GNB5: variants seen among roughly 807,000 people sequenced by gnomAD.
GNB5 encodes guanine nucleotide-binding protein subunit beta-5.
Under a neutral mutation model 55.3 loss-of-function variants are expected in GNB5, and 37 were observed. The ratio of observed to expected loss-of-function variants is 0.67; its 90% CI spans 0.51 to 0.88. The LOEUF is 0.88. Among genes scored for constraint, GNB5 ranks in the 40% least tolerant of loss-of-function variants. The probability of loss-of-function intolerance (pLI) is 0.00; values close to 1 mark genes in which losing one functional copy is unlikely to be tolerated. For synonymous variants in GNB5, 219 were observed against 198.5 expected (o/e 1.10, Z -0.87); for missense variants, 476 against 515.3 (o/e 0.92, Z 0.74).
At chr15:52,164,300 C>A (rs2034404048) in intron 3 of GNB5, among the ~76,000 whole-genome samples, 1 of 89,612 alleles carries the variant, frequency 1.1e-5, no homozygotes, top group Admixed American at 1.6e-4. Flanking sequence ...AACAGCAAGA[C>A]TCTGTCTTAA....
At chr15:52,148,134 C>A (rs1387161541) in intron 5 of GNB5, among the ~76,000 whole-genome samples, 1 of 151,932 alleles carries the variant, frequency 6.6e-6, no homozygotes, top group Non-Finnish European at 1.5e-5. Context: ...CCTATCAGGG[C>A]CCCTTTTCTT....
Position 52,118,389 on chromosome 15 carries a change from A to G in GNB5, c.*4368T>C, listed in dbSNP as rs938379617. ...TTTTTTTTGTATGGGTGATTTTTTT[A>G]TTTTCATCCTCTCAGGAATTTTCCA... On this transcript the variant is annotated 3_prime_UTR_variant, in exon 13 of 13. Transcript: ENST00000261837. The G allele has an allele frequency of 2.7e-5, 4 of 149,814 alleles. No individual in the cohort carries two copies. In the East Asian group the frequency reaches 7.9e-4, roughly 30 times the overall value. The allele number at this position is 149,814 out of a possible 1,614,324, so 9.3% of individuals were successfully genotyped here.
chr15:52,124,856 G>GT (rs1241705296), intron 11 of GNB5: 3 of 473,954 alleles, frequency 6.3e-6, no homozygotes, highest in African/African-American at 2.0e-5. Context: ...GCATCCCATG[G>GT]TAACAGCCAT....
chr15:52,171,048 CACGCTACTGGA>C (rs2141231931), intron 3 of GNB5, among the ~76,000 whole-genome samples: 1 of 142,458 alleles, frequency 7.0e-6, no homozygotes, highest in Admixed American at 7.4e-5. Context: ...GAGCCATGAT[CACGCTACTGGA>C]CTCCAGGTGA....
intron 4 of GNB5, among the ~76,000 whole-genome samples, chr15:52,152,826 G>A (rs1462778951): frequency 1.3e-5 from 2 of 151,092 alleles, no homozygotes; most frequent in Non-Finnish European, 2.9e-5. Flanking sequence ...ATAAAGACGA[G>A]GTCTCACCAT....
At position 52,148,680 on chromosome 15, in the gene GNB5, GTCT is replaced by G. The variant is rs561637920; in HGVS notation, c.418-1148_418-1146del. Among the ~76,000 whole-genome samples the G allele has an allele frequency of 9.8e-4, 149 of 152,346 alleles. 1 individual carries two copies. The highest frequency in any genetic ancestry group is 8.8e-3 in the Admixed American group (134 of 15,310). Reference sequence around the variant, plus strand: ...GCTTCCAATGTACATTCAAGTGCTGGTCTTCTTTTCTGTTATAATTACATGTGT... The same window carrying G: ...GCTTCCAATGTACATTCAAGTGCTGGTCTTTTCTGTTATAATTACATGTGT... On this transcript the variant is annotated intron_variant, in intron 5 of 12. Transcript: ENST00000261837.
chr15:52,147,896 T>C (rs2034010956), intron 5 of GNB5, among the ~76,000 whole-genome samples: 1 of 152,214 alleles, frequency 6.6e-6, no homozygotes, highest in Non-Finnish European at 1.5e-5. Flanking sequence ...AAAATCTTAA[T>C]GTTTAAATTT....
At chr15:52,142,505 TTAC>T (rs1194994049) in intron 6 of GNB5, among the ~76,000 whole-genome samples, 1 of 152,138 alleles carries the variant, frequency 6.6e-6, no homozygotes, top group African/African-American at 2.4e-5. Flanking sequence ...ATTATTATCA[TTAC>T]TACATTTGAT....
At chr15:52,175,619 G>C (rs184807920) in intron 3 of GNB5, among the ~76,000 whole-genome samples, 490 of 152,124 alleles carry the variant, frequency 3.2e-3, no homozygotes, top group Non-Finnish European at 5.3e-3. Context: ...CATGCCTGTA[G>C]TCTCAGCTAC....
At chr15:52,166,413 T>C (rs1193219538) in intron 3 of GNB5, among the ~76,000 whole-genome samples, 1 of 152,198 alleles carries the variant, frequency 6.6e-6, no homozygotes, top group African/African-American at 2.4e-5. Context: ...ATGCCATTAC[T>C]CTAAAATTGA....
intron 3 of GNB5, among the ~76,000 whole-genome samples, chr15:52,176,064 A>AAAAC (rs998253200): frequency 1.4e-5 from 2 of 145,882 alleles, no homozygotes; most frequent in East Asian, 2.0e-4. Flanking sequence ...AAAACAAAAC[A>AAAAC]AAACAAACAA....
At position 52,184,544 on chromosome 15, in the gene GNB5, C is replaced by CACTT; in HGVS notation, c.126+3_126+6dup. 1 of 1,611,722 alleles carries CACTT rather than the reference C, an allele frequency of 6.2e-7. No individual in the cohort carries two copies. The highest frequency in any genetic ancestry group is 8.5e-7 in the Non-Finnish European group (1 of 1,178,448). ...AGATAACTGAATTTTTTTTAAGTGG[C>CACTT]ACTTACAATTTCTGCACATGTTGAA... is the stretch of plus-strand genomic sequence containing the variant. On this transcript the variant is annotated splice_region_variant and intron_variant, in intron 2 of 12. Coordinates refer to ENST00000261837, the MANE Select transcript of GNB5 (RefSeq NM_016194.4).
chr15:52,166,863 A>G lies in GNB5; in HGVS notation c.239-12787T>C, dbSNP rs140881458. On this transcript the variant is annotated intron_variant, in intron 3 of 12. Transcript: ENST00000261837. The stretch of plus-strand genomic sequence containing the variant: ...GGAACTAAAGGAGATAGAGACATGA[A>G]AAACCCTTCAAAAAAATCAATGAAT... Among the ~76,000 whole-genome samples, 159 of 152,302 alleles carry G rather than the reference A, an allele frequency of 1.0e-3. 1 individual carries two copies. Among genetic ancestry groups the G allele is most frequent in the African/African-American group, 3.5e-3 (145 of 41,548 alleles).
At chr15:52,175,542 C>T (rs990913188) in intron 3 of GNB5, among the ~76,000 whole-genome samples, 10 of 151,166 alleles carry the variant, frequency 6.6e-5, no homozygotes, top group African/African-American at 2.4e-4. Flanking sequence ...AGTTCAAGAA[C>T]AGCCCGTCCA....
In GNB5 at chr15:52,121,547, A is replaced by T. The variant is rs2033267524; in HGVS notation, c.*1210T>A. The T allele has an allele frequency of 6.6e-6, 1 of 152,058 alleles. No individual in the cohort carries two copies. The allele number at this position is 152,058 out of a possible 1,614,324, so 9.4% of individuals were successfully genotyped here. On this transcript the variant is annotated 3_prime_UTR_variant, in exon 13 of 13. Transcript: ENST00000261837. ...CTATGTAAGAGGAGCAGACGTTATT[A>T]TTCATGACTATCAATCAATCTGCAT... is the stretch of plus-strand genomic sequence containing the variant.
intron 6 of GNB5, among the ~76,000 whole-genome samples, chr15:52,145,188 T>C (rs912208385): frequency 3.9e-4 from 59 of 152,218 alleles, no homozygotes; most frequent in African/African-American, 1.4e-3. Context: ...CTAATAGATG[T>C]GTTACACATG....
intron 2 of GNB5, among the ~76,000 whole-genome samples, chr15:52,182,189 C>T (rs1392283972): frequency 1.3e-5 from 2 of 152,172 alleles, no homozygotes; most frequent in Non-Finnish European, 2.9e-5. Flanking sequence ...CAGTATGCAT[C>T]TGTTATTATT....
chr15:52,134,073 C>T (rs2033642475), intron 8 of GNB5, among the ~76,000 whole-genome samples: 1 of 152,230 alleles, frequency 6.6e-6, no homozygotes, highest in Admixed American at 6.5e-5. Flanking sequence ...CGCAGGGTGG[C>T]TTAGGCAAGT....
In GNB5 at chr15:52,141,157, TG is replaced by T; in HGVS notation, c.609del (p.Phe203LeufsTer9). On this transcript the variant is annotated frameshift_variant, in exon 7 of 13. Coordinates refer to ENST00000261837, the MANE Select transcript of GNB5 (RefSeq NM_016194.4). LOFTEE classifies it high-confidence loss of function. ...MHTNYLSACS[F>X]TNSDMQILTA... Reference sequence around the variant, plus strand: ...CTATTTACCTGCATGTCAGAGTTGGTGAAGCTGCAGGCCGACAGGTAGTTGG... The same window carrying T: ...CTATTTACCTGCATGTCAGAGTTGGTAAGCTGCAGGCCGACAGGTAGTTGG... 6.2e-7 allele frequency: 1 copy of T among 1,614,096 alleles called. No homozygotes were observed. Among genetic ancestry groups the T allele is most frequent in the Non-Finnish European group, 8.5e-7 (1 of 1,179,988 alleles).
Sources: gnomAD v4.1 joint callset for allele counts (sites outside exome capture counted in the v4.1 genomes callset) on GRCh38, gnomAD v4.1.1 for gene constraint, MANE v1.5 for transcripts, NCBI Gene and HGNC (gene_info 2026-07-23, HGNC 2026-07-21) for gene names.